AXIN2: variants seen among roughly 807,000 people sequenced by gnomAD.
AXIN2 encodes the protein axin-2.
AXIN2 carries 21 observed loss-of-function variants against 74.7 expected under a neutral mutation model. That is an observed-to-expected ratio of 0.28 (90% CI 0.20 to 0.40). The LOEUF is 0.40. Among genes scored for constraint, AXIN2 ranks in the 10% least tolerant of loss-of-function variants. AXIN2 has a pLI of 1.00. For synonymous variants in AXIN2, 532 were observed against 454.9 expected, an observed-to-expected ratio of 1.17 and a Z score of -2.16; for missense variants, 1,144 against 1,111.1, an observed-to-expected ratio of 1.03 and a Z score of -0.42.
chr17:65,549,900 G>A (rs1406793806), intron 2 of AXIN2, among the ~76,000 whole-genome samples: 1 of 152,178 alleles, frequency 6.6e-6, no homozygotes, highest in Non-Finnish European at 1.5e-5. Context: ...GGTCTGCCAG[G>A]GCAGAGAGTA....
intron 10 of AXIN2, among the ~76,000 whole-genome samples, chr17:65,533,326 G>C (rs2043855226): frequency 6.6e-6 from 1 of 152,154 alleles, no homozygotes; most frequent in Non-Finnish European, 1.5e-5. Context: ...TCTTTGTTAT[G>C]GACAAAGGCG....
At chr17:65,537,137 C>T in intron 6 of AXIN2, 74 bp from the exon 7 acceptor site, 2 of 1,567,688 alleles carry the variant, frequency 1.3e-6, no homozygotes, top group Non-Finnish European at 1.7e-6. Context: ...TCAGACAATT[C>T]AGCAAGTCGG....
At chr17:65,538,859 GAGA>G (rs919173694) in intron 4 of AXIN2, among the ~76,000 whole-genome samples, 19 of 152,228 alleles carry the variant, frequency 1.2e-4, no homozygotes, top group South Asian at 8.3e-4. Context: ...GCCTGGATCA[GAGA>G]AGAAGTGGTA....
intron 3 of AXIN2, among the ~76,000 whole-genome samples, chr17:65,542,829 T>C (rs552850852): frequency 1.3e-5 from 2 of 152,316 alleles, no homozygotes; most frequent in South Asian, 2.1e-4. Context: ...AATATTGAAA[T>C]TGGGTGTTTG....
At position 65,549,558 on chromosome 17, in the gene AXIN2, C is replaced by G. The variant is rs746140442; in HGVS notation, c.918G>C (p.Ala306=). The G allele has an allele frequency of 1.2e-6, 2 of 1,611,340 alleles. No individual in the cohort carries two copies. The highest frequency in any genetic ancestry group is 3.3e-4 in the Middle Eastern group (2 of 6,058). The change falls in exon 3 of 11, where the codon GCG becomes GCC. Residue 306 remains alanine, a synonymous_variant. Coordinates refer to ENST00000307078, the MANE Select transcript of AXIN2 (RefSeq NM_004655.4). ...TCATGGACATGGAATCATCCGTCAG[C>G]GCATCACTGGATATCTCACTGTCGT... The part of the protein sequence containing the change: ...SANDSEISSD[A]LTDDSMSMTD...
chr17:65,535,013 G>GGGCA (rs1265996301), intron 9 of AXIN2, among the ~76,000 whole-genome samples: 2 of 152,306 alleles, frequency 1.3e-5, no homozygotes, highest in Middle Eastern at 3.4e-3. Context: ...AAAGGGTCCA[G>GGGCA]GGCAGTGGCC....
chr17:65,556,355 T>C (rs1054320903), intron 2 of AXIN2, among the ~76,000 whole-genome samples: 4 of 152,040 alleles, frequency 2.6e-5, no homozygotes, highest in Non-Finnish European at 4.4e-5. Context: ...CTTACCCAAA[T>C]GGTCTCATAA....
At position 65,537,679 on chromosome 17, in the gene AXIN2, G is replaced by C; in HGVS notation, c.1357C>G (p.Gln453Glu). ...LSRVLKTPGCQSPGVGRYSPR... is the reference protein window; with the variant it reads ...LSRVLKTPGCESPGVGRYSPR... Reference sequence around the variant, plus strand: ...CTATAGCGGCCTACGCCTGGAGACTGGCAGCCAGGGGTCTTGAGGACCCTG... The same window carrying C: ...CTATAGCGGCCTACGCCTGGAGACTCGCAGCCAGGGGTCTTGAGGACCCTG... The change falls in exon 6 of 11, where the codon CAG (glutamine) becomes GAG (glutamate). Residue 453 changes from glutamine to glutamate, a missense_variant. Around this residue, in one of 4 missense-constraint regions of AXIN2, gnomAD observed 1,053 missense variants for 973.5 expected, o/e 1.08. Transcript: ENST00000307078. 1 of 1,556,846 alleles carries C rather than the reference G, an allele frequency of 6.4e-7. No individual in the cohort carries two copies. Among genetic ancestry groups the C allele is most frequent in the South Asian group, 1.2e-5 (1 of 85,744 alleles).
intron 2 of AXIN2, among the ~76,000 whole-genome samples, chr17:65,556,141 G>T (rs2044263284): frequency 6.6e-6 from 1 of 152,104 alleles, no homozygotes; most frequent in Non-Finnish European, 1.5e-5. Flanking sequence ...CCCACAAAGG[G>T]GAGGGTTCAC....
Position 65,541,500 on chromosome 17 carries a change from A to G in AXIN2, c.1014T>C (p.His338=), listed in dbSNP as rs2144500298. The change falls in exon 4 of 11, where the codon CAT becomes CAC. Residue 338 remains histidine, a synonymous_variant. Coordinates refer to ENST00000307078, the MANE Select transcript of AXIN2 (RefSeq NM_004655.4). ...GSKKQLQREM[H]RSVKANGQVS... ...CTTGGCCATTGGCCTTCACACTGCG[A>G]TGCATTTCTCTCTGGAGCTGTTTCT... 6.2e-7 allele frequency: 1 copy of G among 1,614,196 alleles called. No homozygotes were observed. The highest frequency in any genetic ancestry group is 8.5e-7 in the Non-Finnish European group (1 of 1,180,034).
chr17:65,544,964 G>A (rs2044097004), intron 3 of AXIN2, among the ~76,000 whole-genome samples: 1 of 152,200 alleles, frequency 6.6e-6, no homozygotes, highest in African/African-American at 2.4e-5. Context: ...AGCCTGGTTT[G>A]TAGGAAAAGG....
intron 2 of AXIN2, among the ~76,000 whole-genome samples, chr17:65,557,363 A>T (rs923513542): frequency 1.3e-5 from 2 of 152,150 alleles, no homozygotes; most frequent in African/African-American, 4.8e-5. Context: ...ATGGGTGCAC[A>T]TATTATTTCC....
chr17:65,542,792 C>T (rs1005287815), intron 3 of AXIN2, among the ~76,000 whole-genome samples: 3 of 152,150 alleles, frequency 2.0e-5, no homozygotes, highest in Admixed American at 1.3e-4. Context: ...CAAACATTTT[C>T]ATAATGAATC....
intron 3 of AXIN2, among the ~76,000 whole-genome samples, chr17:65,546,529 T>C (rs997872101): frequency 6.6e-6 from 1 of 152,108 alleles, no homozygotes; most frequent in African/African-American, 2.4e-5. Context: ...CAATGGCAGC[T>C]TGAGTCAGTG....
chr17:65,541,652 G>C (rs117106396), intron 3 of AXIN2, 95 bp from the exon 4 acceptor site: 3 of 1,029,770 alleles, frequency 2.9e-6, no homozygotes, highest in Non-Finnish European at 4.6e-6. Flanking sequence ...AGATCCCGCC[G>C]ACAGGGCCAC....
At chr17:65,553,829 A>C (rs1448131636) in intron 2 of AXIN2, among the ~76,000 whole-genome samples, 1 of 113,510 alleles carries the variant, frequency 8.8e-6, no homozygotes. Flanking sequence ...TTTTCTTGTG[A>C]TTACTTAAAA....
At chr17:65,559,244 C>T (rs553566174) in intron 1 of AXIN2, among the ~76,000 whole-genome samples, 16 of 152,240 alleles carry the variant, frequency 1.1e-4, no homozygotes, top group Admixed American at 9.8e-4. Flanking sequence ...CAAACGTGCC[C>T]TTCCCCGGCA....
rs777202269 is a variant in AXIN2, at chr17:65,541,497, G to A, written c.1017C>T (p.Arg339=). ...SKKQLQREMH[R]SVKANGQVSL... is the part of the protein sequence containing the mutation. Reference sequence around the variant, plus strand: ...ACACTTGGCCATTGGCCTTCACACTGCGATGCATTTCTCTCTGGAGCTGTT... The same window carrying A: ...ACACTTGGCCATTGGCCTTCACACTACGATGCATTTCTCTCTGGAGCTGTT... The change falls in exon 4 of 11, where the codon CGC becomes CGT. Residue 339 remains arginine, a synonymous_variant. Coordinates refer to ENST00000307078, the MANE Select transcript of AXIN2 (RefSeq NM_004655.4). The A allele has an allele frequency of 1.2e-6, 2 of 1,614,126 alleles. No homozygotes were observed. The highest frequency in any genetic ancestry group is 2.2e-5 in the East Asian group (1 of 44,878).
intron 4 of AXIN2, among the ~76,000 whole-genome samples, chr17:65,539,378 T>C (rs1382300331): frequency 1.3e-5 from 2 of 152,290 alleles, no homozygotes; most frequent in East Asian, 3.9e-4. Context: ...AAGGCTCCTG[T>C]GTAGGTGGCC....
Sources: allele counts gnomAD v4.1 joint callset (sites outside exome capture counted in the v4.1 genomes callset), GRCh38; gene constraint gnomAD v4.1.1; regional missense constraint gnomAD v4.1.1; transcripts MANE v1.5; gene names NCBI Gene and HGNC (gene_info 2026-07-23, HGNC 2026-07-21).